The following TOP1MT variants were observed in gnomAD, a reference collection of about 807,000 sequenced individuals.
The protein encoded by TOP1MT is DNA topoisomerase I mitochondrial.
In TOP1MT, 80 loss-of-function variants were observed where a neutral mutation model predicts 73.9. The ratio of observed to expected loss-of-function variants is 1.08; its 90% confidence interval spans 0.90 to 1.30. TOP1MT has a LOEUF of 1.30. Ranked by LOEUF, TOP1MT falls within the 50% of genes most tolerant of loss-of-function variation. The pLI, the probability that TOP1MT is intolerant of heterozygous loss-of-function variation, is 0.00. For missense variants in TOP1MT, 815 were observed against 808.0 expected (o/e 1.01, Z -0.10); for synonymous variants, 338 against 326.4 (o/e 1.04, Z -0.38).
At chr8:143,323,256 CCA>C (rs1816579080) in intron 7 of TOP1MT, among the ~76,000 whole-genome samples, 4 of 112,476 alleles carry the variant, frequency 3.6e-5, no homozygotes, top group East Asian at 5.9e-4. Flanking sequence ...CACAGGCACG[CCA>C]CACACATGCA....
Position 143,309,342 on chromosome 8 carries a change from A to G in TOP1MT, c.*99T>C, listed in dbSNP as rs1815938366. The G allele has an allele frequency of 7.6e-7, 1 of 1,316,834 alleles. No individual in the cohort carries two copies. Among genetic ancestry groups the G allele is most frequent in the African/African-American group, 1.4e-5 (1 of 69,120 alleles). 81.6% of individuals were successfully genotyped at this position (1,316,834 alleles called of 1,614,324 possible). A position where few individuals can be genotyped will look rare whatever the true frequency, so the allele number is the denominator to read the frequency against. On this transcript the variant is annotated 3_prime_UTR_variant, in exon 14 of 14. Transcript: ENST00000329245. ...TGGGGACTTTTTCTAGTGATGTACA[A>G]GCACTTGCACACATTTTATTGTACA...
chr8:143,348,692 A>G (rs1400811615), upstream of TOP1MT, among the ~76,000 whole-genome samples: 1 of 152,036 alleles, frequency 6.6e-6, no homozygotes, highest in Non-Finnish European at 1.5e-5. This position sits in a 1 kb window ranked among gnomAD's most constrained non-coding sequence, Gnocchi z 4.6. Context: ...TGACAGGGAG[A>G]GTCAGAGACT....
At chr8:143,309,876 C>G in intron 13 of TOP1MT, 192 bp downstream of exon 13, 1 of 1,545,488 alleles carries the variant, frequency 6.5e-7, no homozygotes, top group South Asian at 1.2e-5. Context: ...TTCACCCTGT[C>G]CATCCGAACG....
chr8:143,329,825 A>G (rs1816805816), intron 2 of TOP1MT, among the ~76,000 whole-genome samples: 1 of 152,252 alleles, frequency 6.6e-6, no homozygotes, highest in Non-Finnish European at 1.5e-5. Context: ...CACAAGTAAA[A>G]TAAAAGTTAA....
chr8:143,321,644 CACACA>C lies in TOP1MT; in HGVS notation c.961-263_961-259del, dbSNP rs1224262652. On this transcript the variant is annotated intron_variant, in intron 7 of 13. Transcript: ENST00000329245. ...ACGCACGCCACACACAGGCACGCCA[CACACA>C]GGCACGCCACACACACGCACGCCAC... is the stretch of plus-strand genomic sequence containing the variant. Among the ~76,000 whole-genome samples the C allele has an allele frequency of 1.2e-3, 96 of 77,714 alleles. 6 individuals carry two copies. Among genetic ancestry groups the C allele is most frequent in the African/African-American group, 3.8e-3 (94 of 24,760 alleles). The allele number at this position is 77,714 out of a possible 152,430, so 51.0% of individuals were successfully genotyped here.
chr8:143,343,152 C>A (rs1277422250), intron 2 of TOP1MT: 3 of 456,026 alleles, frequency 6.6e-6, no homozygotes, highest in Non-Finnish European at 1.3e-5. Flanking sequence ...ATTCATCAGG[C>A]ATGAGTGCCT....
intron 1 of TOP1MT, chr8:143,334,136 C>T (rs1816928927): frequency 7.3e-6 from 1 of 136,114 alleles, no homozygotes; most frequent in Non-Finnish European, 1.5e-5. Flanking sequence ...TCCAGCTCTT[C>T]GGAAACTCCA....
rs1817189455 is a variant in TOP1MT at position 143,344,728 on chromosome 8, ACT to A, written c.-39+186_-39+187del. 1 of 152,344 alleles carries A rather than the reference ACT, an allele frequency of 6.6e-6. No individual in the cohort carries two copies. The highest frequency in any genetic ancestry group is 6.5e-5 in the Admixed American group (1 of 15,286). The allele number at this position is 152,344 out of a possible 1,614,324, so 9.4% of individuals were successfully genotyped here. A position where few individuals can be genotyped will look rare whatever the true frequency, so the allele number is the denominator to read the frequency against. On this transcript the variant is annotated intron_variant, in intron 1 of 5. Transcript: ENST00000518007. The surrounding 1 kb of genome is among the most constrained non-coding windows in gnomAD (Gnocchi z 4.6). ...GGGGTGTAGACGGAGAGGCGCAGAC[ACT>A]GTCCTGTCAACAAGCCAGGCTCCAT...
upstream of TOP1MT, among the ~76,000 whole-genome samples, chr8:143,357,405 CAAAA>C (rs35053879): frequency 2.3e-5 from 2 of 86,230 alleles, no homozygotes; most frequent in African/African-American, 3.3e-5. Context: ...GACCTTGTCT[CAAAA>C]AAAAAAAAAA....
At chr8:143,321,501 CCACA>C (rs1160985811) in intron 7 of TOP1MT, 115 bp from the exon 8 acceptor site, 6 of 776,414 alleles carry the variant, frequency 7.7e-6, no homozygotes, top group Admixed American at 3.2e-5. Context: ...CACACGCACG[CCACA>C]CACACGCACT....
intron 11 of TOP1MT, 46 bp from the exon 12 acceptor site, chr8:143,315,867 C>A (rs531294160): frequency 1.2e-6 from 2 of 1,605,978 alleles, no homozygotes; most frequent in African/African-American, 1.3e-5. Flanking sequence ...CCATCCCGCA[C>A]CAGCCCCTGT....
chr8:143,315,233 T>C (rs958510896), intron 12 of TOP1MT, among the ~76,000 whole-genome samples: 2 of 152,300 alleles, frequency 1.3e-5, no homozygotes, highest in African/African-American at 2.4e-5. Flanking sequence ...TGTGCTTCAG[T>C]GGTCATGCTC....
intron 12 of TOP1MT, among the ~76,000 whole-genome samples, chr8:143,314,070 C>T (rs112885467): frequency 1.5e-3 from 221 of 152,164 alleles, no homozygotes; most frequent in African/African-American, 4.5e-3. Flanking sequence ...GGGCTCTAAT[C>T]GACACATGGA....
At chr8:143,323,224 C>CCACACACAGGCACGCCA (rs1246492721) in intron 7 of TOP1MT, among the ~76,000 whole-genome samples, 1 of 114,882 alleles carries the variant, frequency 8.7e-6, no homozygotes, top group Non-Finnish European at 1.8e-5. Context: ...CACAGGCACG[C>CCACACACAGGCACGCCA]CACACACAGG....
chr8:143,311,170 T>C (rs906179683), intron 12 of TOP1MT, among the ~76,000 whole-genome samples: 5 of 147,194 alleles, frequency 3.4e-5, no homozygotes, highest in African/African-American at 1.3e-4. Context: ...GGTTTCACCA[T>C]GTTGGCCATG....
rs770089132 is a variant in TOP1MT, at chr8:143,329,337, C to G, written c.360+13G>C. Reference sequence around the variant, plus strand: ...GGTCCAGGACAGCTGTGGCGGCCGCCCAGGGTACCTACCTTTCGCCAGTCA... The same window carrying G: ...GGTCCAGGACAGCTGTGGCGGCCGCGCAGGGTACCTACCTTTCGCCAGTCA... On this transcript the variant is annotated intron_variant, in intron 3 of 13. Transcript: ENST00000329245. The G allele has an allele frequency of 1.3e-6, 2 of 1,594,532 alleles. No individual in the cohort carries two copies. The highest frequency in any genetic ancestry group is 1.7e-6 in the Non-Finnish European group (2 of 1,173,586).
intron 13 of TOP1MT, 190 bp downstream of exon 13, chr8:143,309,878 A>C (rs1201912473): frequency 1.9e-6 from 3 of 1,546,768 alleles, no homozygotes; most frequent in Non-Finnish European, 2.6e-6. Context: ...CACCCTGTCC[A>C]TCCGAACGTT....
At chr8:143,339,847 C>A (rs555251356), upstream of TOP1MT, among the ~76,000 whole-genome samples, 230 of 150,046 alleles carry the variant, frequency 1.5e-3, no homozygotes, top group Non-Finnish European at 2.7e-3. Context: ...CCCCCCGTCC[C>A]AGCACTGGTC....
intron 3 of TOP1MT, 103 bp downstream of exon 3, chr8:143,329,247 C>T: frequency 7.6e-7 from 1 of 1,316,390 alleles, no homozygotes. Flanking sequence ...CACACAGGGG[C>T]CACCGAGAAC....
Sources: allele counts gnomAD v4.1 joint callset (sites outside exome capture counted in the v4.1 genomes callset), GRCh38; gene constraint gnomAD v4.1.1; non-coding constraint Gnocchi (gnomAD v3.1); transcripts MANE v1.5; gene names NCBI Gene and HGNC (gene_info 2026-07-23, HGNC 2026-07-21).